Variants in CFAP20DC observed in about 807,000 individuals in gnomAD.
The protein encoded by CFAP20DC is CFAP20 domain containing.
In CFAP20DC, 84 loss-of-function variants were observed where a neutral mutation model predicts 101.7. The observed-to-expected ratio is 0.83, with a 90% CI of 0.69 to 0.99. The LOEUF is 0.99. CFAP20DC is among the 50% of genes least tolerant of loss of function. The pLI is 0.00. For missense variants in CFAP20DC, 1,007 were observed against 970.3 expected (o/e 1.04, Z -0.50); for synonymous variants, 359 against 351.2 (o/e 1.02, Z -0.25).
rs892267156 is a variant in CFAP20DC at position 58,901,742 on chromosome 3, A to T, written c.550+11966T>A. Among the ~76,000 whole-genome samples, 22 of 152,276 alleles carry T rather than the reference A, an allele frequency of 1.4e-4. 1 individual carries two copies. In the South Asian group the frequency reaches 3.3e-3, roughly 23 times the overall value. On this transcript the variant is annotated intron_variant, in intron 6 of 16. Transcript: ENST00000482387. ...TGAATCATGCCTTTAGAGCTTTTTT[A>T]AAAAAATGCTTTATTGAAGAGAAAT...
rs1362288799 is a variant in CFAP20DC at position 58,844,717 on chromosome 3, C to G, written c.1971+4315G>C. On this transcript the variant is annotated intron_variant, in intron 13 of 16. Transcript: ENST00000482387. ...AAATCAACAGAATATACATTTTTTT[C>G]AGCACCACACCACACCTAGTCCAAA... is the stretch of plus-strand genomic sequence containing the variant. 3.1e-5 allele frequency among the ~76,000 whole-genome samples: 4 copies of G among 130,768 alleles called. 1 individual carries two copies. Among genetic ancestry groups the G allele is most frequent in the Admixed American group, 7.5e-5 (1 of 13,344 alleles). 85.8% of individuals were successfully genotyped at this position (130,768 alleles called of 152,430 possible).
intron 12 of CFAP20DC, among the ~76,000 whole-genome samples, chr3:58,852,454 C>A (rs1020986323): frequency 6.6e-6 from 1 of 151,888 alleles, no homozygotes; most frequent in African/African-American, 2.4e-5. Context: ...AACAAGGATA[C>A]CCAGGAATTG....
At chr3:58,884,100 C>A (rs1223569149) in intron 7 of CFAP20DC, among the ~76,000 whole-genome samples, 1 of 152,098 alleles carries the variant, frequency 6.6e-6, no homozygotes, top group Admixed American at 6.6e-5. Flanking sequence ...ACTGGGCCTG[C>A]CTTTTTGAAA....
chr3:58,786,548 GA>G (rs2072355052), intron 15 of CFAP20DC, among the ~76,000 whole-genome samples: 1 of 152,040 alleles, frequency 6.6e-6, no homozygotes, highest in Non-Finnish European at 1.5e-5. Flanking sequence ...TCTTGTCCCA[GA>G]CCTGAATCCC....
chr3:58,888,615 G>A (rs775421583), intron 6 of CFAP20DC, among the ~76,000 whole-genome samples: 7 of 151,974 alleles, frequency 4.6e-5, no homozygotes, highest in Non-Finnish European at 1.0e-4. Flanking sequence ...ATGTGTCCAC[G>A]TGTTCTCATC....
intron 6 of CFAP20DC, among the ~76,000 whole-genome samples, chr3:58,895,823 AAAGGC>A (rs2082624768): frequency 6.6e-6 from 1 of 152,214 alleles, no homozygotes; most frequent in African/African-American, 2.4e-5. Context: ...AATCATGGTG[AAAGGC>A]AAGGAGGAGC....
intron 15 of CFAP20DC, among the ~76,000 whole-genome samples, chr3:58,792,076 C>G (rs756871341): frequency 2.6e-5 from 4 of 152,248 alleles, no homozygotes; most frequent in South Asian, 2.1e-4. Flanking sequence ...ATGCAAACAA[C>G]TTTTGCTACA....
chr3:58,793,252 G>A (rs1375460052), intron 15 of CFAP20DC, among the ~76,000 whole-genome samples: 1 of 151,954 alleles, frequency 6.6e-6, no homozygotes, highest in African/African-American at 2.4e-5. Flanking sequence ...TCTACTCTTC[G>A]CCTCACAATC....
chr3:59,031,824 A>G (rs1375551531), intron 4 of CFAP20DC, among the ~76,000 whole-genome samples: 1 of 152,230 alleles, frequency 6.6e-6, no homozygotes, highest in African/African-American at 2.4e-5. Flanking sequence ...CTCTCATTTT[A>G]TTAAGAAAGC....
At chr3:59,028,927 T>C (rs1226689849) in intron 4 of CFAP20DC, among the ~76,000 whole-genome samples, 4 of 152,218 alleles carry the variant, frequency 2.6e-5, no homozygotes, top group African/African-American at 7.2e-5. Context: ...GTTAAGTAAT[T>C]TGACCAAAGT....
intron 14 of CFAP20DC, among the ~76,000 whole-genome samples, chr3:58,808,215 G>A (rs1304393410): frequency 5.3e-5 from 8 of 152,184 alleles, no homozygotes; most frequent in East Asian, 1.9e-4. Flanking sequence ...TACAGAGAAC[G>A]CCACAAAGAC....
At position 58,937,725 on chromosome 3, in the gene CFAP20DC, A is replaced by T. The variant is rs2087907418; in HGVS notation, c.316T>A (p.Leu106Ile). 4 of 1,611,128 alleles carry T rather than the reference A, an allele frequency of 2.5e-6. No homozygotes were observed. The highest frequency in any genetic ancestry group is 3.4e-6 in the Non-Finnish European group (4 of 1,177,430). The change falls in exon 5 of 17, where the codon TTA (leucine) becomes ATA (isoleucine). Residue 106 changes from leucine to isoleucine, a missense_variant. Leu to Ile is a conservative substitution (Grantham distance 5). Transcript: ENST00000482387. The part of the protein sequence containing the change: ...DLGNIKRRLY[L>I]STVHKELSST... ...GATAGTTCCTTATGGACCGTTGATA[A>T]ATATAATCTTCTTTTGATGTTCCCT...
In CFAP20DC at chr3:58,863,339, T is replaced by C. The variant is rs2079405346; in HGVS notation, c.1593+219A>G. ...GAAAGAAACCCAAAACTGGTTTCTA[T>C]AAGTAAAAGTGAAATTGGCTGACTG... On this transcript the variant is annotated intron_variant, in intron 12 of 16. Coordinates refer to ENST00000482387, the MANE Select transcript of CFAP20DC (RefSeq NM_001394063.1). The surrounding 1 kb of genome is among the most constrained non-coding windows in gnomAD (Gnocchi z 5.9). 7.1e-7 allele frequency: 1 copy of C among 1,414,928 alleles called. No homozygotes were observed. The highest frequency in any genetic ancestry group is 9.2e-7 in the Non-Finnish European group (1 of 1,092,128). 87.6% of individuals were successfully genotyped at this position (1,414,928 alleles called of 1,614,324 possible).
chr3:58,840,792 C>G (rs987625607), intron 13 of CFAP20DC, among the ~76,000 whole-genome samples: 1 of 152,196 alleles, frequency 6.6e-6, no homozygotes, highest in Non-Finnish European at 1.5e-5. Context: ...CATGCGCTAT[C>G]TAATTTTACA....
intron 14 of CFAP20DC, among the ~76,000 whole-genome samples, chr3:58,810,084 C>G (rs1316514095): frequency 2.6e-5 from 4 of 152,072 alleles, no homozygotes; most frequent in Admixed American, 6.6e-5. Flanking sequence ...CAAAAAGAAT[C>G]CAGGACCAGA....
intron 15 of CFAP20DC, among the ~76,000 whole-genome samples, chr3:58,803,235 GC>G (rs1343367667): frequency 2.0e-5 from 3 of 152,132 alleles, no homozygotes; most frequent in African/African-American, 7.2e-5. Flanking sequence ...CCCCGTCTCT[GC>G]CATATTGGCA....
At chr3:58,740,786 C>T (rs1311474908), downstream of CFAP20DC, among the ~76,000 whole-genome samples, 1 of 152,010 alleles carries the variant, frequency 6.6e-6, no homozygotes, top group Non-Finnish European at 1.5e-5. This position sits in a 1 kb window ranked among gnomAD's most constrained non-coding sequence, Gnocchi z 4.6. Context: ...TCATATGTCC[C>T]TTATATATGG....
intron 15 of CFAP20DC, among the ~76,000 whole-genome samples, chr3:58,778,043 TCCC>T (rs2071493199): frequency 6.6e-6 from 1 of 152,166 alleles, no homozygotes; most frequent in African/African-American, 2.4e-5. Flanking sequence ...TTTTCATGTG[TCCC>T]AAGGACAAAT....
chr3:58,881,725 G>A (rs982362016), intron 7 of CFAP20DC, among the ~76,000 whole-genome samples: 1 of 152,092 alleles, frequency 6.6e-6, no homozygotes, highest in Admixed American at 6.5e-5. Context: ...TACATGAGTA[G>A]CCCATAGTTA....
Sources: allele counts gnomAD v4.1 joint callset (sites outside exome capture counted in the v4.1 genomes callset), GRCh38; gene constraint gnomAD v4.1.1; non-coding constraint Gnocchi (gnomAD v3.1); transcripts MANE v1.5; gene names NCBI Gene and HGNC (gene_info 2026-07-23, HGNC 2026-07-21).